NDFIP1: variants seen among roughly 807,000 people sequenced by gnomAD.
NDFIP1 encodes NEDD4 family-interacting protein 1.
A neutral mutation model predicts 28.8 loss-of-function variants in NDFIP1; 7 were observed. That is an observed-to-expected ratio of 0.24 (90% CI 0.14 to 0.46). The LOEUF is 0.46. Ranked by LOEUF, NDFIP1 falls within the 20% of genes least tolerant of loss-of-function variation. The probability of loss-of-function intolerance (pLI) is 0.99; values close to 1 mark genes in which losing one functional copy is unlikely to be tolerated. For synonymous variants in NDFIP1, 92 were observed against 101.0 expected (o/e 0.91, Z 0.53); for missense variants, 194 against 269.1 (o/e 0.72, Z 1.95).
chr5:142,139,545 A>T (rs190796692), intron 5 of NDFIP1, among the ~76,000 whole-genome samples: 99 of 152,258 alleles, frequency 6.5e-4, no homozygotes, highest in African/African-American at 2.2e-3. Flanking sequence ...TTAAAAAAAA[A>T]TTTTCTACCA....
intron 1 of NDFIP1, among the ~76,000 whole-genome samples, chr5:142,128,346 G>T (rs1338293343): frequency 6.6e-6 from 1 of 152,200 alleles, no homozygotes. Flanking sequence ...CTGCACAGAA[G>T]GGTTCCCAGG....
At chr5:142,140,691 T>A (rs1757318314) in intron 6 of NDFIP1, 62 bp downstream of exon 6, 1 of 1,323,140 alleles carries the variant, frequency 7.6e-7, no homozygotes, top group Non-Finnish European at 1.1e-6. Flanking sequence ...TAAGTAAAAT[T>A]ACTTGTAGTA....
chr5:142,148,528 G>A (rs1181432517), intron 7 of NDFIP1, among the ~76,000 whole-genome samples: 2 of 151,954 alleles, frequency 1.3e-5, no homozygotes, highest in East Asian at 1.9e-4. Context: ...AGGTGGGCAG[G>A]TCACCTGAGG....
chr5:142,140,203 C>G (rs545235292), intron 5 of NDFIP1, among the ~76,000 whole-genome samples: 3 of 152,038 alleles, frequency 2.0e-5, no homozygotes, highest in African/African-American at 7.2e-5. Context: ...AATCCCAGCA[C>G]TTTGGGAGGC....
At chr5:142,131,244 A>G (rs530995144) in intron 1 of NDFIP1, among the ~76,000 whole-genome samples, 9 of 152,118 alleles carry the variant, frequency 5.9e-5, no homozygotes, top group African/African-American at 1.9e-4. Context: ...TGCTAGGATT[A>G]CAGGTGTGAG....
Position 142,151,851 on chromosome 5 carries a change from A to T in NDFIP1, c.*123A>T, listed in dbSNP as rs532077056. 1 of 152,818 alleles carries T rather than the reference A, an allele frequency of 6.5e-6. No homozygotes were observed. The highest frequency in any genetic ancestry group is 2.4e-5 in the African/African-American group (1 of 41,456). 9.5% of individuals were successfully genotyped at this position (152,818 alleles called of 1,614,324 possible). On this transcript the variant is annotated 3_prime_UTR_variant, in exon 8 of 8. Transcript: ENST00000253814. ...GAATAATCACCTGCTTTAAAAAAAT[A>T]AAGTACTGTTGAAAAGATCATTTCT...
chr5:142,140,821 A>G (rs1757319644), intron 6 of NDFIP1, among the ~76,000 whole-genome samples, 192 bp downstream of exon 6: 1 of 152,172 alleles, frequency 6.6e-6, no homozygotes, highest in African/African-American at 2.4e-5. Context: ...CGTTAATAAA[A>G]AGTTTCTTTG....
At chr5:142,119,952 AATT>A (rs969777809) in intron 1 of NDFIP1, among the ~76,000 whole-genome samples, 1 of 151,966 alleles carries the variant, frequency 6.6e-6, no homozygotes, top group Non-Finnish European at 1.5e-5. Flanking sequence ...CTTGTTGTCA[AATT>A]ATTATTATTA....
chr5:142,115,586 A>G (rs1022783541), intron 1 of NDFIP1, among the ~76,000 whole-genome samples: 3 of 152,166 alleles, frequency 2.0e-5, no homozygotes, highest in African/African-American at 7.2e-5. Flanking sequence ...CGCCCGGCCT[A>G]TATTCTTATA....
Position 142,137,740 on chromosome 5 carries a change from T to G in NDFIP1, c.377T>G (p.Phe126Cys), listed in dbSNP as rs1456469574. The G allele has an allele frequency of 6.2e-7, 1 of 1,613,970 alleles. No homozygotes were observed. Among genetic ancestry groups the G allele is most frequent in the Admixed American group, 1.7e-5 (1 of 59,994 alleles). ...GIFMLTFFMA[F>C]LFNWIGFFLS... is the part of the protein sequence containing the mutation. ...CCCTCCTCTGCTTTTGCAGTGGCAT[T>G]CCTCTTTAACTGGATTGGGTTTTTC... is the stretch of plus-strand genomic sequence containing the variant. Residue 126 changes from phenylalanine to cysteine, a missense_variant, in exon 5 of 8, where the codon TTC becomes TGC. By Grantham distance (205) the Phe-to-Cys change is radical. Coordinates refer to ENST00000253814, the MANE Select transcript of NDFIP1 (RefSeq NM_030571.4).
chr5:142,120,768 C>T (rs143474709), intron 1 of NDFIP1, among the ~76,000 whole-genome samples: 1 of 152,296 alleles, frequency 6.6e-6, no homozygotes, highest in Non-Finnish European at 1.5e-5. Context: ...TTAAATTAAC[C>T]TAGCAGTTGA....
intron 4 of NDFIP1, 70 bp downstream of exon 4, chr5:142,135,887 T>C: frequency 1.9e-6 from 2 of 1,068,806 alleles, no homozygotes; most frequent in Admixed American, 1.9e-5. Flanking sequence ...TGAATCTGAC[T>C]GAATTAAAAT....
chr5:142,142,094 G>A lies in NDFIP1; in HGVS notation c.562+1465G>A, dbSNP rs150369612. On this transcript the variant is annotated intron_variant, in intron 6 of 7. Coordinates refer to ENST00000253814, the MANE Select transcript of NDFIP1 (RefSeq NM_030571.4). The stretch of plus-strand genomic sequence containing the variant: ...GGAGCCTGCAGTGAACTATGATGGC[G>A]TCACTGCACTTCAGCTTGGGTGACA... 5.3e-5 allele frequency among the ~76,000 whole-genome samples: 8 copies of A among 152,210 alleles called. No homozygotes were observed. The East Asian group carries it at 5.8e-4, about 11-fold the overall frequency.
At chr5:142,109,161 G>C (rs988712763) in intron 1 of NDFIP1, 124 bp downstream of exon 1, 12 of 867,278 alleles carry the variant, frequency 1.4e-5, no homozygotes, top group Non-Finnish European at 1.8e-5. Flanking sequence ...GGCCGCGCTG[G>C]GCCTGGAGGG....
rs767575096 is a variant in NDFIP1, at chr5:142,140,670, A to G, written c.562+41A>G. The G allele has an allele frequency of 6.7e-6, 10 of 1,489,816 alleles. No homozygotes were observed. In the South Asian group the frequency reaches 9.6e-5, roughly 14 times the overall value. 92.3% of individuals were successfully genotyped at this position (1,489,816 alleles called of 1,614,324 possible). A position where few individuals can be genotyped will look rare whatever the true frequency, so the allele number is the denominator to read the frequency against. ...GTAAGAAAAGGCAAGAAAACATTAC[A>G]TTAAATTTTATAAGTAAAATTACTT... On this transcript the variant is annotated intron_variant, in intron 6 of 7. Coordinates refer to ENST00000253814, the MANE Select transcript of NDFIP1 (RefSeq NM_030571.4).
intron 1 of NDFIP1, among the ~76,000 whole-genome samples, chr5:142,112,772 T>G: frequency 2.1e-5 from 3 of 141,544 alleles, no homozygotes; most frequent in Admixed American, 7.5e-5. Flanking sequence ...GGCGACGAAG[T>G]GAGACTCTGT....
In NDFIP1 at chr5:142,152,424, A is replaced by C. The variant is rs1029577140; in HGVS notation, c.*696A>C. 6.6e-6 allele frequency: 1 copy of C among 152,294 alleles called. No homozygotes were observed. Among genetic ancestry groups the C allele is most frequent in the Non-Finnish European group, 1.5e-5 (1 of 68,024 alleles). The allele number at this position is 152,294 out of a possible 1,614,324, so 9.4% of individuals were successfully genotyped here. Reference sequence around the variant, plus strand: ...TGTATAAAACAGAAAGCACTAGGATACAAATGAAGCTTAATTACTAAAATG... The same window carrying C: ...TGTATAAAACAGAAAGCACTAGGATCCAAATGAAGCTTAATTACTAAAATG... On this transcript the variant is annotated 3_prime_UTR_variant, in exon 8 of 8. Transcript: ENST00000253814.
At chr5:142,136,928 G>A (rs924498707) in intron 4 of NDFIP1, among the ~76,000 whole-genome samples, 4 of 151,008 alleles carry the variant, frequency 2.6e-5, no homozygotes, top group East Asian at 2.0e-4. Flanking sequence ...GCCGTTAGCC[G>A]GGCCTGGCGG....
In NDFIP1 at chr5:142,144,615, C is replaced by G. The variant is rs1395497845; in HGVS notation, c.607C>G (p.Arg203Gly). Residue 203 changes from arginine to glycine, a missense_variant, in exon 7 of 8, where the codon CGG becomes GGG. Transcript: ENST00000253814. ...LRGFINYAKVRKMPETFSNLP... is the reference protein window; with the variant it reads ...LRGFINYAKVGKMPETFSNLP... ...AGGATTTATCAATTATGCAAAAGTTCGGAAGATGCCAGAAACTTTCTCAAA... is the reference window on the plus strand; with the variant it reads ...AGGATTTATCAATTATGCAAAAGTTGGGAAGATGCCAGAAACTTTCTCAAA... The G allele has an allele frequency of 6.2e-7, 1 of 1,612,794 alleles. No individual in the cohort carries two copies.
Sources: allele counts gnomAD v4.1 joint callset (sites outside exome capture counted in the v4.1 genomes callset), GRCh38; gene constraint gnomAD v4.1.1; transcripts MANE v1.5; gene names NCBI Gene and HGNC (gene_info 2026-07-23, HGNC 2026-07-21).